The following CDH13 variants were observed in gnomAD, a reference collection of about 807,000 sequenced individuals.
The protein encoded by CDH13 is cadherin-13.
In CDH13, 24 loss-of-function variants were observed where a neutral mutation model predicts 63.8. That is an observed-to-expected ratio of 0.38 (90% CI 0.27 to 0.53). CDH13 has a LOEUF of 0.53. Among genes scored for constraint, CDH13 ranks in the 20% least tolerant of loss-of-function variants. CDH13 has a pLI of 0.85. For synonymous variants in CDH13, 503 were observed against 355.3 expected (o/e 1.42, Z -4.67); for missense variants, 1,049 against 903.1 (o/e 1.16, Z -2.07).
chr16:82,702,765 T>C lies in CDH13; in HGVS notation c.45+75628T>C, dbSNP rs141576210. ...AAGCTTCTTCCTGACTGATGGCCAT[T>C]GCATGTATGATTTCCTCTGCCTGGA... On this transcript the variant is annotated intron_variant, in intron 1 of 13. Transcript: ENST00000567109. Among the ~76,000 whole-genome samples, 89 of 152,286 alleles carry C rather than the reference T, an allele frequency of 5.8e-4. 1 individual carries two copies. The East Asian group carries it at 0.014, about 24-fold the overall frequency.
chr16:83,182,816 C>T (rs576202273), intron 4 of CDH13, among the ~76,000 whole-genome samples: 1 of 152,248 alleles, frequency 6.6e-6, no homozygotes, highest in African/African-American at 2.4e-5. Flanking sequence ...AGACTGATTT[C>T]CCACGTCATG....
intron 6 of CDH13, among the ~76,000 whole-genome samples, chr16:83,352,920 A>T (rs2090986028): frequency 6.6e-6 from 1 of 152,228 alleles, no homozygotes; most frequent in Non-Finnish European, 1.5e-5. Context: ...AAAGTATAAA[A>T]TCATGGCTTT....
At chr16:83,670,528 C>A (rs938203114) in intron 8 of CDH13, among the ~76,000 whole-genome samples, 1 of 152,276 alleles carries the variant, frequency 6.6e-6, no homozygotes, top group Non-Finnish European at 1.5e-5. Flanking sequence ...GTTCTTTTCA[C>A]CCTCCCACCA....
Position 83,132,294 on chromosome 16 carries a change from A to T in CDH13, c.483+6793A>T, listed in dbSNP as rs554429369. ...TGATTGATTTTATGATCAGGCACTTACTGGGTTGTCTAGGGTAACCCAGTA... is the reference window on the plus strand; with the variant it reads ...TGATTGATTTTATGATCAGGCACTTTCTGGGTTGTCTAGGGTAACCCAGTA... On this transcript the variant is annotated intron_variant, in intron 4 of 13. Transcript: ENST00000567109. 2.0e-5 allele frequency among the ~76,000 whole-genome samples: 3 copies of T among 152,144 alleles called. No individual in the cohort carries two copies. The East Asian group carries it at 5.8e-4, about 29-fold the overall frequency.
At chr16:82,758,629 C>G (rs1312041814) in intron 1 of CDH13, among the ~76,000 whole-genome samples, 1 of 152,192 alleles carries the variant, frequency 6.6e-6, no homozygotes, top group Non-Finnish European at 1.5e-5. Flanking sequence ...TCACGCGGCA[C>G]AGAATATGGC....
chr16:82,668,352 G>A (rs2150938754), intron 1 of CDH13, among the ~76,000 whole-genome samples: 1 of 152,246 alleles, frequency 6.6e-6, no homozygotes, highest in South Asian at 2.1e-4. Flanking sequence ...AGGGTGCCTA[G>A]GACATATTGC....
At chr16:83,702,889 TA>T (rs1480263446) in intron 10 of CDH13, among the ~76,000 whole-genome samples, 1 of 152,128 alleles carries the variant, frequency 6.6e-6, no homozygotes, top group Non-Finnish European at 1.5e-5. Context: ...TATTACTGCA[TA>T]AAAATAGCTC....
chr16:83,486,439 T>A, intron 6 of CDH13, 38 bp from the exon 7 acceptor site: 1 of 1,587,910 alleles, frequency 6.3e-7, no homozygotes, highest in Non-Finnish European at 8.6e-7. Context: ...GTTGACCCAT[T>A]GATAACCATT....
At chr16:82,976,230 G>A (rs1244672146) in intron 2 of CDH13, among the ~76,000 whole-genome samples, 1 of 152,216 alleles carries the variant, frequency 6.6e-6, no homozygotes, top group Non-Finnish European at 1.5e-5. Flanking sequence ...GGCTTTTGAA[G>A]GGCTGGGGCT....
chr16:83,191,492 C>T (rs62037391), intron 4 of CDH13, among the ~76,000 whole-genome samples: 52 of 92,666 alleles, frequency 5.6e-4, no homozygotes, highest in Non-Finnish European at 8.1e-4. Flanking sequence ...TATATATGCA[C>T]ATATATATAT....
chr16:83,360,736 C>G (rs976366412), intron 6 of CDH13, among the ~76,000 whole-genome samples: 5 of 152,104 alleles, frequency 3.3e-5, no homozygotes, highest in African/African-American at 1.2e-4. Context: ...TGCATTAATT[C>G]AATAGGATAA....
intron 10 of CDH13, among the ~76,000 whole-genome samples, chr16:83,683,470 C>G (rs879273769): frequency 6.6e-6 from 1 of 152,200 alleles, no homozygotes; most frequent in African/African-American, 2.4e-5. Context: ...CCAAAATTGG[C>G]TTGCATTATC....
At chr16:83,443,539 T>C (rs977022087) in intron 6 of CDH13, among the ~76,000 whole-genome samples, 1 of 151,810 alleles carries the variant, frequency 6.6e-6, no homozygotes, top group African/African-American at 2.4e-5. Context: ...GAATTCAAGA[T>C]TATCATGTTG....
intron 1 of CDH13, among the ~76,000 whole-genome samples, chr16:82,679,712 CA>C (rs1490267847): frequency 2.0e-5 from 3 of 152,288 alleles, no homozygotes; most frequent in South Asian, 4.2e-4. Context: ...ACGTTAATAC[CA>C]ACCTCATACT....
chr16:82,849,338 C>T (rs192269478), intron 1 of CDH13, among the ~76,000 whole-genome samples: 1 of 152,178 alleles, frequency 6.6e-6, no homozygotes, highest in East Asian at 1.9e-4. Context: ...CCTGTCTCTA[C>T]TAAAACTACA....
At chr16:83,438,072 C>G (rs915193939) in intron 6 of CDH13, among the ~76,000 whole-genome samples, 1 of 152,288 alleles carries the variant, frequency 6.6e-6, no homozygotes, top group Non-Finnish European at 1.5e-5. Context: ...CTAAAGCACA[C>G]ACCTGATGAT....
chr16:83,216,982 A>AAT (rs1201404713), intron 4 of CDH13, among the ~76,000 whole-genome samples: 1 of 152,102 alleles, frequency 6.6e-6, no homozygotes, highest in African/African-American at 2.4e-5. Context: ...GGCTTCCATT[A>AAT]CCTTTTTTGT....
intron 6 of CDH13, among the ~76,000 whole-genome samples, chr16:83,469,839 G>C (rs1015082590): frequency 1.3e-5 from 2 of 152,222 alleles, no homozygotes; most frequent in Non-Finnish European, 2.9e-5. Context: ...TCTCATATTT[G>C]AAATGTATGA....
At chr16:83,456,217 G>A (rs1247747747) in intron 6 of CDH13, among the ~76,000 whole-genome samples, 1 of 152,256 alleles carries the variant, frequency 6.6e-6, no homozygotes, top group Non-Finnish European at 1.5e-5. Flanking sequence ...TCTGGAGATA[G>A]TGCCAGACAA....
Sources: allele counts gnomAD v4.1 joint callset (sites outside exome capture counted in the v4.1 genomes callset), GRCh38; gene constraint gnomAD v4.1.1; transcripts MANE v1.5; gene names NCBI Gene and HGNC (gene_info 2026-07-23, HGNC 2026-07-21).